PSMA8: variants seen among roughly 807,000 people sequenced by gnomAD.
PSMA8 encodes the protein proteasome subunit alpha-type 8.
A neutral mutation model predicts 32.4 loss-of-function variants in PSMA8; 18 were observed. That is an observed-to-expected ratio of 0.56 (90% CI 0.38 to 0.82). The LOEUF is 0.82. Ranked by LOEUF, PSMA8 falls within the 40% of genes least tolerant of loss-of-function variation. PSMA8 has a pLI of 0.00. For missense variants in PSMA8, 298 were observed against 300.7 expected, an observed-to-expected ratio of 0.99 and a Z score of 0.07; for synonymous variants, 104 against 98.1, an observed-to-expected ratio of 1.06 and a Z score of -0.36.
chr18:26,155,670 T>C (rs2055083028), intron 3 of PSMA8, among the ~76,000 whole-genome samples: 5 of 152,182 alleles, frequency 3.3e-5, no homozygotes, highest in Admixed American at 3.3e-4. Context: ...CTAAAGACTT[T>C]AATGTATGAT....
intron 2 of PSMA8, among the ~76,000 whole-genome samples, chr18:26,147,288 T>C (rs2055011710): frequency 6.7e-6 from 1 of 148,278 alleles, no homozygotes; most frequent in Non-Finnish European, 1.5e-5. Flanking sequence ...AACTAGAAAT[T>C]AGTAGTGGAA....
intron 1 of PSMA8, among the ~76,000 whole-genome samples, chr18:26,137,899 A>T (rs1363649472): frequency 6.6e-6 from 1 of 152,202 alleles, no homozygotes; most frequent in South Asian, 2.1e-4. Flanking sequence ...CATCTGAAAG[A>T]TGAGGGGCTG....
At chr18:26,154,867 A>G (rs1182244208) in intron 3 of PSMA8, among the ~76,000 whole-genome samples, 3 of 152,084 alleles carry the variant, frequency 2.0e-5, no homozygotes, top group African/African-American at 7.2e-5. Flanking sequence ...TACCCGCCTC[A>G]GCCTTCCGAA....
At chr18:26,180,363 T>C (rs1240139048) in intron 6 of PSMA8, among the ~76,000 whole-genome samples, 2 of 152,212 alleles carry the variant, frequency 1.3e-5, no homozygotes, top group Admixed American at 1.3e-4. Context: ...TGTTTGTTTG[T>C]TTCTGTTTTT....
At chr18:26,180,695 GAC>G (rs45627236) in intron 6 of PSMA8, among the ~76,000 whole-genome samples, 5,304 of 143,014 alleles carry the variant, frequency 0.037, 86 homozygotes, top group African/African-American at 0.047. Flanking sequence ...TATAAAAATA[GAC>G]ACACACACAC....
Position 26,152,516 on chromosome 18 carries a change from G to A in PSMA8, c.354+534G>A, listed in dbSNP as rs28399877. On this transcript the variant is annotated intron_variant, in intron 3 of 6. Transcript: ENST00000415576. ...ATTTTTGTATTTTTTGTACAGATGG[G>A]GTTTTGCTATATTGCCCAGGTTGGT... is the stretch of plus-strand genomic sequence containing the variant. Among the ~76,000 whole-genome samples the A allele has an allele frequency of 4.1e-3, 621 of 152,078 alleles. 1 individual carries two copies. Among genetic ancestry groups the A allele is most frequent in the African/African-American group, 0.011 (463 of 41,488 alleles).
At chr18:26,168,416 A>G (rs1409820320) in intron 4 of PSMA8, among the ~76,000 whole-genome samples, 1 of 113,400 alleles carries the variant, frequency 8.8e-6, no homozygotes, top group Non-Finnish European at 1.6e-5. Flanking sequence ...TGAGAAAAAC[A>G]GTGTATTATG....
chr18:26,157,745 A>C (rs2055101569), intron 3 of PSMA8, among the ~76,000 whole-genome samples: 1 of 152,178 alleles, frequency 6.6e-6, no homozygotes, highest in Non-Finnish European at 1.5e-5. Context: ...GCGTCCCTCA[A>C]GGTAAGCCGA....
intron 6 of PSMA8, among the ~76,000 whole-genome samples, chr18:26,189,936 T>C (rs1358287066): frequency 6.6e-6 from 1 of 152,170 alleles, no homozygotes; most frequent in Non-Finnish European, 1.5e-5. Flanking sequence ...AATGTGATAC[T>C]TACACACAAT....
intron 6 of PSMA8, 52 bp from the exon 7 acceptor site, chr18:26,192,266 AC>A: frequency 1.5e-6 from 2 of 1,295,548 alleles, no homozygotes; most frequent in Non-Finnish European, 2.0e-6. Flanking sequence ...TATTGTATTT[AC>A]ATATTATTCG....
chr18:26,164,151 G>A (rs2055159830), intron 4 of PSMA8, among the ~76,000 whole-genome samples: 1 of 152,164 alleles, frequency 6.6e-6, no homozygotes, highest in South Asian at 2.1e-4. Context: ...CATGACTGGA[G>A]TGGATTTAGA....
At chr18:26,185,011 C>T (rs530168231) in intron 6 of PSMA8, among the ~76,000 whole-genome samples, 6 of 144,392 alleles carry the variant, frequency 4.2e-5, no homozygotes, top group South Asian at 2.1e-4. Flanking sequence ...TCGCTTGAAC[C>T]GGGAGACAGA....
chr18:26,134,909 G>A (rs548667531), intron 1 of PSMA8, among the ~76,000 whole-genome samples: 4 of 151,946 alleles, frequency 2.6e-5, no homozygotes, highest in African/African-American at 9.7e-5. Flanking sequence ...AGCCGAGATC[G>A]TGCCATTGCA....
At chr18:26,176,482 T>C (rs1332722433) in intron 4 of PSMA8, among the ~76,000 whole-genome samples, 1 of 152,196 alleles carries the variant, frequency 6.6e-6, no homozygotes, top group Non-Finnish European at 1.5e-5. Flanking sequence ...CTACTTATAT[T>C]AATCCTCTGA....
At chr18:26,178,167 G>C (rs968110754) in intron 4 of PSMA8, among the ~76,000 whole-genome samples, 4 of 152,180 alleles carry the variant, frequency 2.6e-5, no homozygotes, top group African/African-American at 9.7e-5. Context: ...ACAGTGAGCA[G>C]TGATCATACC....
At chr18:26,134,115 G>A (rs774787556) in intron 1 of PSMA8, 48 bp downstream of exon 1, 2 of 1,412,238 alleles carry the variant, frequency 1.4e-6, no homozygotes, top group Non-Finnish European at 2.0e-6. Context: ...GACCTGTCAG[G>A]CCATCGTTAC....
chr18:26,139,356 G>A (rs188741464), intron 1 of PSMA8, among the ~76,000 whole-genome samples: 15 of 152,212 alleles, frequency 9.9e-5, no homozygotes, highest in African/African-American at 3.6e-4. Flanking sequence ...ACAACAATGC[G>A]AGTGAGCTTG....
chr18:26,162,605 C>G (rs1315429926), intron 4 of PSMA8, among the ~76,000 whole-genome samples: 1 of 152,138 alleles, frequency 6.6e-6, no homozygotes, highest in Non-Finnish European at 1.5e-5. Context: ...GTGTCTCATG[C>G]CTGTAATCCC....
intron 6 of PSMA8, among the ~76,000 whole-genome samples, chr18:26,181,467 A>C (rs1324711606): frequency 1.3e-5 from 2 of 152,168 alleles, no homozygotes; most frequent in Non-Finnish European, 2.9e-5. Flanking sequence ...AGGGCCTCTA[A>C]GTGTTCAAGT....
Sources: allele counts gnomAD v4.1 joint callset (sites outside exome capture counted in the v4.1 genomes callset), GRCh38; gene constraint gnomAD v4.1.1; transcripts MANE v1.5; gene names NCBI Gene and HGNC (gene_info 2026-07-23, HGNC 2026-07-21).